Variants in ZNF75A observed in about 807,000 individuals in gnomAD.
ZNF75A encodes the protein zinc finger protein 75A.
ZNF75A carries 36 observed loss-of-function variants against 46.3 expected under a neutral mutation model. The ratio of observed to expected loss-of-function variants is 0.78; its 90% CI spans 0.60 to 1.03. The LOEUF is 1.03. Among genes scored for constraint, ZNF75A ranks in the 50% least tolerant of loss-of-function variants. The pLI is 0.00. For synonymous variants in ZNF75A, 234 were observed against 189.9 expected, an observed-to-expected ratio of 1.23 and a Z score of -1.91; for missense variants, 595 against 551.3, an observed-to-expected ratio of 1.08 and a Z score of -0.79.
intron 2 of ZNF75A, chr16:3,309,518 C>G (rs1960567015): frequency 6.6e-6 from 1 of 150,850 alleles, no homozygotes; most frequent in Non-Finnish European, 1.5e-5. Flanking sequence ...ACCTGTAATT[C>G]CAGCACTTTG....
rs1960484925 is a variant in ZNF75A at position 3,308,843 on chromosome 16, A to G, written c.408+7A>G. The stretch of plus-strand genomic sequence containing the variant: ...TGGTCAAACATGGAATGGGGTGAGA[A>G]GAAAGATTCCTGACATGTACAGTGA... On this transcript the variant is annotated splice_region_variant and intron_variant, in intron 2 of 6. Coordinates refer to ENST00000669516, the MANE Select transcript of ZNF75A (RefSeq NM_001302109.2). 4.1e-6 allele frequency: 4 copies of G among 985,858 alleles called. No homozygotes were observed. Among genetic ancestry groups the G allele is most frequent in the Non-Finnish European group, 4.8e-6 (4 of 829,996 alleles). The allele number at this position is 985,858 out of a possible 1,614,324, so 61.1% of individuals were successfully genotyped here.
downstream of ZNF75A, among the ~76,000 whole-genome samples, chr16:3,322,459 G>A (rs1025270386): frequency 1.3e-5 from 2 of 152,158 alleles, no homozygotes; most frequent in Non-Finnish European, 2.9e-5. Flanking sequence ...TCTCCTGTAC[G>A]ATTCACCCAA....
intron 1 of ZNF75A, chr16:3,306,405 A>G (rs1960243959): frequency 6.6e-6 from 1 of 152,176 alleles, no homozygotes; most frequent in Admixed American, 6.5e-5. Flanking sequence ...TCTCCAGATC[A>G]AGTAAGCACA....
chr16:3,314,558 C>G (rs1961053855), intron 5 of ZNF75A, among the ~76,000 whole-genome samples: 1 of 152,202 alleles, frequency 6.6e-6, no homozygotes, highest in Non-Finnish European at 1.5e-5. Context: ...GAACTGGGTA[C>G]CTCCTAGGCT....
downstream of ZNF75A, among the ~76,000 whole-genome samples, chr16:3,320,843 T>A (rs930502416): frequency 6.6e-6 from 1 of 152,146 alleles, no homozygotes; most frequent in Non-Finnish European, 1.5e-5. Context: ...AGCAAATTTG[T>A]CCAGATCAGT....
Position 3,317,034 on chromosome 16 carries a change from A to G in ZNF75A, c.934+12A>G, listed in dbSNP as rs1165227399. On this transcript the variant is annotated intron_variant, in intron 6 of 6. Coordinates refer to ENST00000669516, the MANE Select transcript of ZNF75A (RefSeq NM_001302109.2). Reference sequence around the variant, plus strand: ...AAAATCTCCTACAGGTAAATATACCATGGGAAGTGGAGAAATGTGCCTTGA... The same window carrying G: ...AAAATCTCCTACAGGTAAATATACCGTGGGAAGTGGAGAAATGTGCCTTGA... The G allele has an allele frequency of 1.2e-6, 2 of 1,605,406 alleles. No individual in the cohort carries two copies. Among genetic ancestry groups the G allele is most frequent in the East Asian group, 2.2e-5 (1 of 44,844 alleles).
At chr16:3,310,607 C>T in intron 2 of ZNF75A, 1 of 928,644 alleles carries the variant, frequency 1.1e-6, no homozygotes, top group Non-Finnish European at 1.3e-6. Flanking sequence ...GCCTGGGTGA[C>T]AGAGTGAGAC....
downstream of ZNF75A, chr16:3,323,458 T>C (rs1596406456): frequency 1.4e-6 from 1 of 740,196 alleles, no homozygotes; most frequent in East Asian, 2.4e-5. Context: ...CCTTGGCTTG[T>C]CCATGTTTCA....
downstream of ZNF75A, among the ~76,000 whole-genome samples, chr16:3,320,414 C>A (rs1381391541): frequency 6.6e-6 from 1 of 152,174 alleles, no homozygotes; most frequent in Admixed American, 6.5e-5. Context: ...GAGCTCTGGA[C>A]CTTTCCATTT....
intron 5 of ZNF75A, chr16:3,314,710 G>A: frequency 1.0e-6 from 1 of 985,400 alleles, no homozygotes. Flanking sequence ...CTTCTGCAGT[G>A]GCAAGTTCAG....
intron 5 of ZNF75A, chr16:3,314,624 T>C: frequency 1.5e-5 from 14 of 962,972 alleles, no homozygotes; most frequent in Non-Finnish European, 1.7e-5. Context: ...GGCCCCCGCC[T>C]TTTTTTTTCT....
Position 3,318,665 on chromosome 16 carries a change from C to A in ZNF75A, c.*796C>A. On this transcript the variant is annotated 3_prime_UTR_variant, in exon 7 of 7. Transcript: ENST00000669516. ...AAAGAGAATTAGTGGGAATTAAGAT[C>A]AACTTCTCAGTTTTGTTTGTTTACT... 1 of 985,414 alleles carries A rather than the reference C, an allele frequency of 1.0e-6. No homozygotes were observed. The highest frequency in any genetic ancestry group is 1.2e-6 in the Non-Finnish European group (1 of 829,930). 61.0% of individuals were successfully genotyped at this position (985,414 alleles called of 1,614,324 possible).
At chr16:3,306,024 G>T (rs973351224) in intron 1 of ZNF75A, 3 of 152,218 alleles carry the variant, frequency 2.0e-5, no homozygotes, top group Non-Finnish European at 4.4e-5. Flanking sequence ...TTGAGCCTCA[G>T]GGCTAGCAGC....
chr16:3,310,783 A>T, intron 2 of ZNF75A: 12 of 985,486 alleles, frequency 1.2e-5, no homozygotes, highest in Non-Finnish European at 1.4e-5. Context: ...TCCCTATAGT[A>T]GATGAAAGTC....
chr16:3,307,451 GTC>G (rs1567265077), intron 1 of ZNF75A: 7 of 152,248 alleles, frequency 4.6e-5, no homozygotes, highest in African/African-American at 1.7e-4. Context: ...TGATCTCACC[GTC>G]TCAGCTCTTT....
In ZNF75A at chr16:3,318,066, T is replaced by G; in HGVS notation, c.*197T>G. ...CTTCTGTGGTCACAGAAGTAAACAT[T>G]GTTGGCTTTGTATTGATCTCTCCAG... On this transcript the variant is annotated 3_prime_UTR_variant, in exon 7 of 7. Coordinates refer to ENST00000669516, the MANE Select transcript of ZNF75A (RefSeq NM_001302109.2). 4 of 1,378,768 alleles carry G rather than the reference T, an allele frequency of 2.9e-6. No homozygotes were observed. Among genetic ancestry groups the G allele is most frequent in the Non-Finnish European group, 3.7e-6 (4 of 1,071,544 alleles). 85.4% of individuals were successfully genotyped at this position (1,378,768 alleles called of 1,614,324 possible).
chr16:3,319,180 C>T (rs1961430160), downstream of ZNF75A, among the ~76,000 whole-genome samples: 1 of 152,118 alleles, frequency 6.6e-6, no homozygotes, highest in South Asian at 2.1e-4. Flanking sequence ...ATGGTGTGAT[C>T]TCAGCTCATT....
chr16:3,310,210 A>G (rs1423023113), intron 2 of ZNF75A, among the ~76,000 whole-genome samples: 1 of 152,072 alleles, frequency 6.6e-6, no homozygotes, highest in Non-Finnish European at 1.5e-5. Context: ...CCTGACCAAC[A>G]TGCTGAAACC....
At chr16:3,321,686 C>A (rs745650716), downstream of ZNF75A, among the ~76,000 whole-genome samples, 1 of 152,112 alleles carries the variant, frequency 6.6e-6, no homozygotes, top group Non-Finnish European at 1.5e-5. Context: ...CCAGGCTGAT[C>A]TTGAACTCCT....
Sources: allele counts gnomAD v4.1 joint callset (sites outside exome capture counted in the v4.1 genomes callset), GRCh38; gene constraint gnomAD v4.1.1; transcripts MANE v1.5; gene names NCBI Gene and HGNC (gene_info 2026-07-23, HGNC 2026-07-21).